ZNF718: variants seen among roughly 807,000 people sequenced by gnomAD.
ZNF718 encodes the protein zinc finger protein 718.
ZNF718 carries 3 observed loss-of-function variants against 2.6 expected under a neutral mutation model. The observed-to-expected ratio is 1.16, with a 90% CI of 0.53 to 3.01. ZNF718 has a LOEUF of 3.01. Among genes scored for constraint, ZNF718 ranks in the 30% most tolerant of loss-of-function variants. ZNF718 has a pLI of 0.03. For missense variants in ZNF718, 468 were observed against 230.0 expected, an observed-to-expected ratio of 2.03 and a Z score of -6.69; for synonymous variants, 135 against 77.9, an observed-to-expected ratio of 1.73 and a Z score of -3.86.
intron 3 of ZNF718, among the ~76,000 whole-genome samples, chr4:172,811 G>T (rs1366471923): frequency 6.6e-6 from 1 of 152,108 alleles, no homozygotes; most frequent in Admixed American, 6.5e-5. Context: ...ATCCCAGCAT[G>T]TTGGGAGGCT....
At chr4:193,244 CCCTTT>C (rs781739950) in intron 3 of ZNF718, among the ~76,000 whole-genome samples, 6 of 152,002 alleles carry the variant, frequency 3.9e-5, no homozygotes, top group Non-Finnish European at 7.4e-5. Context: ...CCTTCTATTT[CCCTTT>C]CCTTTCCTTT....
In ZNF718 at chr4:131,244, A is replaced by G. The variant is rs1275199687; in HGVS notation, c.131-166A>G. ...TACTCGGTAGTGGAACTTAAAGCCC[A>G]CAGATTTAAAATACTTAAATATTCT... On this transcript the variant is annotated intron_variant, in intron 2 of 3. Coordinates refer to ENST00000510175, the MANE Select transcript of ZNF718 (RefSeq NM_001039127.6). Among the ~76,000 whole-genome samples the G allele has an allele frequency of 1.9e-5, 2 of 104,476 alleles. 1 individual carries two copies. Among genetic ancestry groups the G allele is most frequent in the Admixed American group, 2.1e-4 (2 of 9,664 alleles). The allele number at this position is 104,476 out of a possible 152,430, so 68.5% of individuals were successfully genotyped here.
At position 124,567 on chromosome 4, in the gene ZNF718, G is replaced by A. The variant is rs1361118957; in HGVS notation, c.-104G>A. The stretch of plus-strand genomic sequence containing the variant: ...CATCGCTCTGCTCCCGCTCCTTAGG[G>A]AAGCCTCGGTGATTCTGCCACAGCC... On this transcript the variant is annotated 5_prime_UTR_variant, in exon 1 of 4. Coordinates refer to ENST00000510175, the MANE Select transcript of ZNF718 (RefSeq NM_001039127.6). 8.7e-5 allele frequency: 133 copies of A among 1,529,448 alleles called. 1 individual carries two copies. The Admixed American group carries it at 1.3e-3, about 15-fold the overall frequency. 94.7% of individuals were successfully genotyped at this position (1,529,448 alleles called of 1,614,324 possible).
intron 3 of ZNF718, among the ~76,000 whole-genome samples, chr4:134,922 C>G (rs1329565854): frequency 6.6e-6 from 1 of 152,006 alleles, no homozygotes; most frequent in Non-Finnish European, 1.5e-5. Context: ...CTCTGAAAAT[C>G]TGAGACAGGT....
At chr4:168,105 A>T (rs1434027505), downstream of ZNF718, among the ~76,000 whole-genome samples, 1 of 152,184 alleles carries the variant, frequency 6.6e-6, no homozygotes, top group Non-Finnish European at 1.5e-5. Context: ...CTATTGAGAT[A>T]ATCATATGGT....
chr4:151,238 G>A (rs1553812469), intron 3 of ZNF718, among the ~76,000 whole-genome samples: 1 of 152,054 alleles, frequency 6.6e-6, no homozygotes, highest in South Asian at 2.1e-4. Context: ...AAGTAGCTGG[G>A]ACTACAGGTG....
intron 3 of ZNF718, among the ~76,000 whole-genome samples, chr4:176,805 T>A (rs1351403586): frequency 6.6e-6 from 1 of 152,208 alleles, no homozygotes; most frequent in East Asian, 1.9e-4. Flanking sequence ...ATTCTCTTAT[T>A]CAAACTAATC....
At chr4:166,411 T>C (rs1717088718), downstream of ZNF718, among the ~76,000 whole-genome samples, 1 of 152,234 alleles carries the variant, frequency 6.6e-6, no homozygotes, top group African/African-American at 2.4e-5. Context: ...TCAAGATCCC[T>C]GAGGAATCGC....
At chr4:145,564 G>A (rs1432328110) in intron 3 of ZNF718, among the ~76,000 whole-genome samples, 4 of 152,100 alleles carry the variant, frequency 2.6e-5, no homozygotes, top group Admixed American at 1.3e-4. Context: ...CCAGGCTCAA[G>A]CAATCTTCCC....
chr4:168,753 A>G (rs1459547804), downstream of ZNF718, among the ~76,000 whole-genome samples: 1 of 151,276 alleles, frequency 6.6e-6, no homozygotes, highest in South Asian at 2.1e-4. Context: ...TTTCTTCTTT[A>G]TTAGTCTTGC....
chr4:153,951 AT>A (rs1716453223), intron 3 of ZNF718, among the ~76,000 whole-genome samples: 1 of 152,164 alleles, frequency 6.6e-6, no homozygotes, highest in Admixed American at 6.5e-5. Context: ...ATATGGTTTG[AT>A]TGTGTCCCCA....
chr4:193,730 A>G (rs1406456906), intron 3 of ZNF718, among the ~76,000 whole-genome samples: 1 of 151,988 alleles, frequency 6.6e-6, no homozygotes, highest in Non-Finnish European at 1.5e-5. Context: ...CTGGTCCTCA[A>G]TGGTCAAGCA....
At chr4:185,599 A>G (rs1337932781) in intron 3 of ZNF718, among the ~76,000 whole-genome samples, 2 of 152,154 alleles carry the variant, frequency 1.3e-5, no homozygotes, top group African/African-American at 4.8e-5. Flanking sequence ...ATGGCTTGTT[A>G]AAGTACCCCA....
At chr4:165,103 G>A (rs1185284937), downstream of ZNF718, among the ~76,000 whole-genome samples, 4 of 152,242 alleles carry the variant, frequency 2.6e-5, no homozygotes, top group Admixed American at 2.6e-4. Context: ...CCTCAGCTGT[G>A]TGTACCTCAC....
chr4:172,091 C>T (rs74382023), intron 3 of ZNF718, among the ~76,000 whole-genome samples: 2,570 of 152,154 alleles, frequency 0.017, 76 homozygotes, highest in African/African-American at 0.059. Flanking sequence ...AAGCATATAC[C>T]GTACATGGTG....
At chr4:171,371 G>A (rs1717224907) in intron 3 of ZNF718, among the ~76,000 whole-genome samples, 1 of 152,200 alleles carries the variant, frequency 6.6e-6, no homozygotes, top group Admixed American at 6.5e-5. Flanking sequence ...CTTCAAGGCT[G>A]TCAGACAGGG....
At chr4:138,208 G>T (rs1209262972) in intron 3 of ZNF718, among the ~76,000 whole-genome samples, 1 of 152,134 alleles carries the variant, frequency 6.6e-6, no homozygotes, top group African/African-American at 2.4e-5. Context: ...TAGTCACTCT[G>T]TGTACTAGCA....
At chr4:130,242 T>C (rs1715318131) in intron 1 of ZNF718, among the ~76,000 whole-genome samples, 1 of 103,974 alleles carries the variant, frequency 9.6e-6, no homozygotes, top group African/African-American at 3.3e-5. Context: ...AATAAGAAGC[T>C]AATTCATGGA....
chr4:162,170 A>C lies in ZNF718; in HGVS notation c.*48A>C, dbSNP rs201577083. On this transcript the variant is annotated 3_prime_UTR_variant, in exon 4 of 4. Coordinates refer to ENST00000510175, the MANE Select transcript of ZNF718 (RefSeq NM_001039127.6). Reference sequence around the variant, plus strand: ...TTTAAGTCTTCCTCAGTCTTTTCTAATCATAATTCATACTGGAGAGAAACT... The same window carrying C: ...TTTAAGTCTTCCTCAGTCTTTTCTACTCATAATTCATACTGGAGAGAAACT... The C allele has an allele frequency of 8.7e-5, 56 of 641,414 alleles. No individual in the cohort carries two copies. In the East Asian group the frequency reaches 1.4e-3, roughly 16 times the overall value. The allele number at this position is 641,414 out of a possible 1,614,324, so 39.7% of individuals were successfully genotyped here.
Sources: gnomAD v4.1 joint callset for allele counts (sites outside exome capture counted in the v4.1 genomes callset) on GRCh38, gnomAD v4.1.1 for gene constraint, MANE v1.5 for transcripts, NCBI Gene and HGNC (gene_info 2026-07-23, HGNC 2026-07-21) for gene names.